Variants in CRB1 observed in about 807,000 individuals in gnomAD.
CRB1 encodes the protein protein crumbs homolog 1.
CRB1 carries 83 observed loss-of-function variants against 120.0 expected under a neutral mutation model. The observed-to-expected ratio is 0.69, with a 90% CI of 0.58 to 0.83. CRB1 has a LOEUF of 0.83. CRB1 is among the 40% of genes least tolerant of loss of function. CRB1 has a pLI of 0.00. For missense variants in CRB1, 1,699 were observed against 1,687.6 expected, an observed-to-expected ratio of 1.01 and a Z score of -0.12; for synonymous variants, 625 against 612.5, an observed-to-expected ratio of 1.02 and a Z score of -0.30.
intron 5 of CRB1, among the ~76,000 whole-genome samples, chr1:197,366,347 C>T (rs1481388841): frequency 6.6e-6 from 1 of 151,846 alleles, no homozygotes; most frequent in Non-Finnish European, 1.5e-5. Context: ...ATAAAATTTC[C>T]ATTATGTTGA....
intron 6 of CRB1, among the ~76,000 whole-genome samples, chr1:197,423,667 G>C (rs1237399266): frequency 3.3e-5 from 5 of 152,126 alleles, no homozygotes; most frequent in African/African-American, 1.2e-4. Flanking sequence ...ACGTGCAAGA[G>C]GGAGGAGACA....
chr1:197,281,036 T>G (rs887966785), intron 1 of CRB1, among the ~76,000 whole-genome samples: 1 of 151,898 alleles, frequency 6.6e-6, no homozygotes, highest in Non-Finnish European at 1.5e-5. Context: ...GACCAAAAAA[T>G]CAATTTAAAA....
intron 4 of CRB1, among the ~76,000 whole-genome samples, chr1:197,354,803 C>A (rs1660351295): frequency 9.5e-6 from 1 of 105,424 alleles, no homozygotes; most frequent in Non-Finnish European, 2.0e-5. Flanking sequence ...CTTTTATTCC[C>A]TTATCTGCCC....
At chr1:197,451,612 A>ATGTT (rs1473648376) in intron 11 of CRB1, among the ~76,000 whole-genome samples, 2 of 152,206 alleles carry the variant, frequency 1.3e-5, no homozygotes, top group Non-Finnish European at 2.9e-5. Context: ...CTGGGCCTGG[A>ATGTT]TGTTTGCCAT....
At chr1:197,394,974 T>G (rs1214514724) in intron 5 of CRB1, among the ~76,000 whole-genome samples, 1 of 152,130 alleles carries the variant, frequency 6.6e-6, no homozygotes, top group Non-Finnish European at 1.5e-5. Context: ...AACTCTGACT[T>G]AATAGGCAAT....
chr1:197,209,035 G>A, the CRB1 span, among the ~76,000 whole-genome samples: 76 of 152,128 alleles, frequency 5.0e-4, no homozygotes, highest in Non-Finnish European at 7.2e-4. Context: ...ACCTCACCCC[G>A]CTCCCACACA....
chr1:197,261,071 A>C, the CRB1 span, among the ~76,000 whole-genome samples: 565 of 152,342 alleles, frequency 3.7e-3, 5 homozygotes, highest in Middle Eastern at 0.01. Flanking sequence ...GAGTAAATGC[A>C]AATGCTAAAA....
At chr1:197,404,140 G>A (rs1663208602) in intron 5 of CRB1, among the ~76,000 whole-genome samples, 1 of 152,200 alleles carries the variant, frequency 6.6e-6, no homozygotes, top group Admixed American at 6.5e-5. Context: ...GCATGGAGAA[G>A]ACAGAGTATA....
the CRB1 span, among the ~76,000 whole-genome samples, chr1:197,233,170 G>A: frequency 6.6e-6 from 1 of 152,090 alleles, no homozygotes; most frequent in African/African-American, 2.4e-5. Flanking sequence ...GTCAAGAATG[G>A]TAGAAATTAA....
chr1:197,428,390 GT>G (rs1354515248), intron 7 of CRB1, among the ~76,000 whole-genome samples: 1 of 152,142 alleles, frequency 6.6e-6, no homozygotes, highest in Non-Finnish European at 1.5e-5. Flanking sequence ...AACTACTATT[GT>G]TTTGAACTTT....
At chr1:197,328,312 A>T in intron 1 of CRB1, 110 bp from the exon 2 acceptor site, 1 of 808,428 alleles carries the variant, frequency 1.2e-6, no homozygotes, top group African/African-American at 1.7e-5. Flanking sequence ...GAACCCAACT[A>T]TGTATTTTAT....
chr1:197,427,376 C>T (rs557704911), intron 6 of CRB1, 78 bp from the exon 7 acceptor site: 24 of 1,182,246 alleles, frequency 2.0e-5, no homozygotes, highest in Admixed American at 1.0e-4. Flanking sequence ...GTATAATTTT[C>T]GTCTTCCATC....
intron 11 of CRB1, among the ~76,000 whole-genome samples, chr1:197,473,774 C>T (rs1176252341): frequency 6.6e-6 from 1 of 151,750 alleles, no homozygotes; most frequent in African/African-American, 2.4e-5. Flanking sequence ...ATCATCAGTT[C>T]ATGTGTCCCA....
At chr1:197,374,830 A>T (rs1661558831) in intron 5 of CRB1, among the ~76,000 whole-genome samples, 1 of 152,134 alleles carries the variant, frequency 6.6e-6, no homozygotes, top group South Asian at 2.1e-4. Flanking sequence ...TGTCACAGAT[A>T]CGTTGCCTTC....
intron 5 of CRB1, among the ~76,000 whole-genome samples, chr1:197,375,061 A>G (rs891099020): frequency 6.6e-6 from 1 of 152,078 alleles, no homozygotes; most frequent in African/African-American, 2.4e-5. Context: ...AACCCATCCC[A>G]AAGGCTCTTA....
At chr1:197,432,111 TC>T (rs931595714) in intron 8 of CRB1, among the ~76,000 whole-genome samples, 8 of 151,996 alleles carry the variant, frequency 5.3e-5, no homozygotes, top group African/African-American at 1.9e-4. Flanking sequence ...ATGGTAAAGT[TC>T]CCCAAAGAAA....
intron 1 of CRB1, among the ~76,000 whole-genome samples, chr1:197,297,229 T>C (rs1035800280): frequency 6.6e-6 from 1 of 151,936 alleles, no homozygotes; most frequent in Non-Finnish European, 1.5e-5. Context: ...ACTCCTGATA[T>C]CCATCCCCTT....
chr1:197,280,253 G>T (rs1420794138), intron 1 of CRB1, among the ~76,000 whole-genome samples: 1 of 151,778 alleles, frequency 6.6e-6, no homozygotes. Flanking sequence ...ATGAAGGGAA[G>T]CATTAATGTA....
At chr1:197,428,936 G>C (rs1664733046) in intron 7 of CRB1, 3 of 1,516,526 alleles carry the variant, frequency 2.0e-6, no homozygotes, top group Non-Finnish European at 2.6e-6. Context: ...GAGCAACCTT[G>C]TGAGAACTCA....
Sources: allele counts gnomAD v4.1 joint callset (sites outside exome capture counted in the v4.1 genomes callset), GRCh38; gene constraint gnomAD v4.1.1; transcripts MANE v1.5; gene names NCBI Gene and HGNC (gene_info 2026-07-23, HGNC 2026-07-21).